ACTA2: variants seen among roughly 807,000 people sequenced by gnomAD.
ACTA2 encodes actin alpha 2, smooth muscle.
Under a neutral mutation model 39.5 loss-of-function variants are expected in ACTA2, and 12 were observed. The ratio of observed to expected loss-of-function variants is 0.30; its 90% CI spans 0.19 to 0.49. ACTA2 has a LOEUF of 0.49. Ranked by LOEUF, ACTA2 falls within the 20% of genes least tolerant of loss-of-function variation. ACTA2 has a pLI of 0.99. For synonymous variants in ACTA2, 158 were observed against 180.6 expected (o/e 0.88, Z 1.00); for missense variants, 236 against 498.8 (o/e 0.47, Z 5.02).
At chr10:88,935,917 G>T (rs142523142) in intron 8 of ACTA2, among the ~76,000 whole-genome samples, 22 of 152,274 alleles carry the variant, frequency 1.4e-4, no homozygotes, top group Non-Finnish European at 2.5e-4. Context: ...AAGCTGCACT[G>T]GTTGGCCTTT....
chr10:88,979,992 C>T (rs1284824977), intron 1 of ACTA2, among the ~76,000 whole-genome samples: 1 of 152,194 alleles, frequency 6.6e-6, no homozygotes, highest in Non-Finnish European at 1.5e-5. Context: ...CAGAAAAAGG[C>T]AACGCTAATT....
intron 1 of ACTA2, among the ~76,000 whole-genome samples, chr10:88,987,086 T>C (rs943389206): frequency 3.3e-5 from 5 of 152,222 alleles, no homozygotes; most frequent in Non-Finnish European, 7.3e-5. Flanking sequence ...CATATTTCTA[T>C]TAATTGGTAG....
chr10:88,942,096 C>G (rs1182897258), intron 4 of ACTA2, among the ~76,000 whole-genome samples: 5 of 152,134 alleles, frequency 3.3e-5, no homozygotes, highest in Admixed American at 3.3e-4. Flanking sequence ...GGGGAAGAAA[C>G]AGTGTGCACA....
intron 1 of ACTA2, among the ~76,000 whole-genome samples, chr10:88,969,104 A>C (rs113561688): frequency 1.3e-5 from 2 of 152,302 alleles, no homozygotes; most frequent in African/African-American, 4.8e-5. Context: ...CTCTCTTATT[A>C]AATAATACTC....
chr10:88,991,174 C>T, exon 1 of ACTA2: 1 of 583,116 alleles, frequency 1.7e-6, no homozygotes. Flanking sequence ...GGCGGGGCAG[C>T]TCCGGCGCTC....
chr10:88,955,006 T>C (rs1416050755), upstream of ACTA2, among the ~76,000 whole-genome samples: 1 of 84,332 alleles, frequency 1.2e-5, no homozygotes, highest in African/African-American at 5.1e-5. Context: ...AGAAAAACAG[T>C]AGTGTCACAC....
chr10:88,970,378 G>T (rs750567324), intron 1 of ACTA2, among the ~76,000 whole-genome samples: 2 of 152,142 alleles, frequency 1.3e-5, no homozygotes, highest in East Asian at 3.9e-4. Context: ...GCAGCAAATT[G>T]CTGTGCCCTT....
At chr10:88,938,499 C>T (rs1420690881) in intron 7 of ACTA2, 120 of 475,004 alleles carry the variant, frequency 2.5e-4, no homozygotes, top group Non-Finnish European at 3.1e-5. Flanking sequence ...TTTTAATAGA[C>T]TCACTACTCA....
At position 88,947,067 on chromosome 10, in the gene ACTA2, G is replaced by A; in HGVS notation, c.258+191C>T. On this transcript the variant is annotated intron_variant, in intron 3 of 8. Transcript: ENST00000224784. Reference sequence around the variant, plus strand: ...TCATCCATGTCCCTACAAAGGACATGAACTCATCATTTTTTATGGCTACAA... The same window carrying A: ...TCATCCATGTCCCTACAAAGGACATAAACTCATCATTTTTTATGGCTACAA... The A allele has an allele frequency of 5.5e-6, 4 of 725,080 alleles. No homozygotes were observed. The East Asian group carries it at 8.9e-5, about 16-fold the overall frequency. The allele number at this position is 725,080 out of a possible 1,614,324, so 44.9% of individuals were successfully genotyped here. A position where few individuals can be genotyped will look rare whatever the true frequency, so the allele number is the denominator to read the frequency against.
chr10:88,957,530 A>G (rs749097732), upstream of ACTA2, among the ~76,000 whole-genome samples: 2 of 152,062 alleles, frequency 1.3e-5, no homozygotes, highest in Non-Finnish European at 2.9e-5. Flanking sequence ...ATCTACCCCA[A>G]CTCACAACTA....
chr10:88,988,027 T>C (rs1300679039), intron 1 of ACTA2, among the ~76,000 whole-genome samples: 1 of 152,250 alleles, frequency 6.6e-6, no homozygotes, highest in Non-Finnish European at 1.5e-5. Flanking sequence ...ACTATAACTT[T>C]TTCATGGGTC....
chr10:88,963,969 T>G (rs762950867), intron 1 of ACTA2, among the ~76,000 whole-genome samples: 19 of 152,190 alleles, frequency 1.2e-4, no homozygotes, highest in Non-Finnish European at 2.2e-4. Context: ...AATTTTGTAT[T>G]CCTAGTTTTC....
chr10:88,958,386 T>G (rs1281009238), intron 1 of ACTA2, among the ~76,000 whole-genome samples: 2 of 152,244 alleles, frequency 1.3e-5, no homozygotes, highest in Admixed American at 1.3e-4. Flanking sequence ...TAAACTCATT[T>G]AATCCTCACA....
intron 1 of ACTA2, among the ~76,000 whole-genome samples, chr10:88,963,977 T>C (rs930062829): frequency 1.3e-5 from 2 of 152,170 alleles, no homozygotes; most frequent in African/African-American, 4.8e-5. Context: ...ATTCCTAGTT[T>C]TCCTAACAGG....
upstream of ACTA2, among the ~76,000 whole-genome samples, chr10:88,956,647 T>C (rs1488100074): frequency 6.6e-6 from 1 of 152,192 alleles, no homozygotes. Flanking sequence ...CACCACCCAA[T>C]GTGTTTGCCA....
At position 88,991,325 on chromosome 10, in the gene ACTA2, G is replaced by A. The variant is rs373853449; in HGVS notation, c.-410C>T. 1.0e-4 allele frequency: 35 copies of A among 343,178 alleles called. No homozygotes were observed. In the East Asian group the frequency reaches 1.8e-3, roughly 17 times the overall value. The allele number at this position is 343,178 out of a possible 1,614,324, so 21.3% of individuals were successfully genotyped here. On this transcript the variant is annotated 5_prime_UTR_variant, in exon 1 of 5. Transcript: ENST00000415557. ...GGAACTCCTGGACAAGCCCTGACAAGCCAAGCCAAAGGTCCGCTCCGGCGC... is the reference window on the plus strand; with the variant it reads ...GGAACTCCTGGACAAGCCCTGACAAACCAAGCCAAAGGTCCGCTCCGGCGC...
At chr10:88,939,805 ATG>A in intron 6 of ACTA2, 107 bp from the exon 7 acceptor site, 1 of 1,191,588 alleles carries the variant, frequency 8.4e-7, no homozygotes, top group Non-Finnish European at 1.2e-6. Flanking sequence ...CCATCAAAAA[ATG>A]TGTCAGTTCA....
chr10:88,988,299 G>A (rs1308943321), intron 1 of ACTA2, among the ~76,000 whole-genome samples: 1 of 152,128 alleles, frequency 6.6e-6, no homozygotes, highest in Non-Finnish European at 1.5e-5. Flanking sequence ...CTATAGCTGG[G>A]AGTTATTAAA....
intron 1 of ACTA2, among the ~76,000 whole-genome samples, chr10:88,972,362 T>C (rs757128981): frequency 6.6e-6 from 1 of 152,234 alleles, no homozygotes; most frequent in Non-Finnish European, 1.5e-5. Flanking sequence ...TAGTAATTGA[T>C]GTCACAAAAG....
Sources: allele counts gnomAD v4.1 joint callset (sites outside exome capture counted in the v4.1 genomes callset), GRCh38; gene constraint gnomAD v4.1.1; transcripts MANE v1.5; gene names NCBI Gene and HGNC (gene_info 2026-07-23, HGNC 2026-07-21).